ELOVL7: variants seen among roughly 807,000 people sequenced by gnomAD.
ELOVL7 encodes the protein ELOVL fatty acid elongase 7, also known as very long chain fatty acid elongase 7.
Under a neutral mutation model 35.7 loss-of-function variants are expected in ELOVL7, and 27 were observed. The observed-to-expected ratio is 0.76, with a 90% confidence interval of 0.56 to 1.04. ELOVL7 has a LOEUF of 1.04. Among genes scored for constraint, ELOVL7 ranks in the 50% least tolerant of loss-of-function variants. The pLI is 0.00. For missense variants in ELOVL7, 327 were observed against 340.8 expected (o/e 0.96, Z 0.32); for synonymous variants, 113 against 114.6 (o/e 0.99, Z 0.09).
intron 1 of ELOVL7, among the ~76,000 whole-genome samples, chr5:60,819,104 A>G (rs377610816): frequency 9.3e-3 from 27 of 2,904 alleles, no homozygotes; most frequent in African/African-American, 0.023. Flanking sequence ...GGGAGGGGAG[A>G]GGAGAGGAGA....
At chr5:60,758,475 T>G (rs1741682480) in intron 7 of ELOVL7, among the ~76,000 whole-genome samples, 1 of 152,216 alleles carries the variant, frequency 6.6e-6, no homozygotes, top group African/African-American at 2.4e-5. Context: ...ACTAGCAAAC[T>G]GCTGAATTTA....
intron 2 of ELOVL7, among the ~76,000 whole-genome samples, chr5:60,788,964 A>G (rs1366829078): frequency 1.3e-5 from 2 of 152,206 alleles, no homozygotes; most frequent in Non-Finnish European, 1.5e-5. Context: ...ATTAATCACT[A>G]AATGGTGTGG....
At chr5:60,810,099 G>A (rs1745160413) in intron 1 of ELOVL7, among the ~76,000 whole-genome samples, 1 of 152,160 alleles carries the variant, frequency 6.6e-6, no homozygotes, top group African/African-American at 2.4e-5. Flanking sequence ...TGCCTGCTTT[G>A]CATTTGTGGC....
chr5:60,810,694 T>C (rs1745191943), intron 1 of ELOVL7, among the ~76,000 whole-genome samples: 1 of 152,210 alleles, frequency 6.6e-6, no homozygotes, highest in South Asian at 2.1e-4. Flanking sequence ...TTATTAATAT[T>C]TTGGTTCTAA....
At chr5:60,792,675 C>T (rs558075982) in intron 2 of ELOVL7, among the ~76,000 whole-genome samples, 50 of 152,140 alleles carry the variant, frequency 3.3e-4, no homozygotes, top group Non-Finnish European at 5.1e-4. Flanking sequence ...CAGCAAGACC[C>T]CATCTCTAAA....
intron 1 of ELOVL7, among the ~76,000 whole-genome samples, chr5:60,842,748 G>A (rs1344997812): frequency 6.6e-6 from 1 of 152,112 alleles, no homozygotes; most frequent in Non-Finnish European, 1.5e-5. Context: ...GTGTGGCCTT[G>A]GGCAAGTTAC....
At chr5:60,832,119 C>T (rs1381820115) in intron 1 of ELOVL7, among the ~76,000 whole-genome samples, 1 of 152,168 alleles carries the variant, frequency 6.6e-6, no homozygotes, top group Non-Finnish European at 1.5e-5. Context: ...TAGTCAGAAT[C>T]TTTGTATTCC....
chr5:60,799,775 T>C (rs1448075390), intron 1 of ELOVL7, among the ~76,000 whole-genome samples: 1 of 152,202 alleles, frequency 6.6e-6, no homozygotes, highest in Non-Finnish European at 1.5e-5. Context: ...TGGTGGCTCA[T>C]GCCTGTAATC....
intron 1 of ELOVL7, among the ~76,000 whole-genome samples, chr5:60,806,604 T>C (rs987789298): frequency 2.0e-5 from 3 of 151,292 alleles, no homozygotes; most frequent in African/African-American, 7.3e-5. Context: ...GAAAAAGAAA[T>C]GATGAAAAAA....
Position 60,790,114 on chromosome 5 carries a change from G to A in ELOVL7, c.-34-2683C>T, listed in dbSNP as rs1743840980. ...ATTGCGCCATTGCACTCCAGCCTGG[G>A]CAACAAGAGCGAGACACTACCTCAA... On this transcript the variant is annotated intron_variant, in intron 2 of 8. Transcript: ENST00000508821. Among the ~76,000 whole-genome samples the A allele has an allele frequency of 2.0e-5, 3 of 151,824 alleles. No individual in the cohort carries two copies. In the South Asian group the frequency reaches 6.2e-4, roughly 32 times the overall value.
chr5:60,757,629 G>A lies in ELOVL7; in HGVS notation c.516C>T (p.Phe172=), dbSNP rs758928464. The A allele has an allele frequency of 1.3e-6, 2 of 1,579,614 alleles. No individual in the cohort carries two copies. Among genetic ancestry groups the A allele is most frequent in the Non-Finnish European group, 1.7e-6 (2 of 1,158,034 alleles). ...GTACAGCTGTATTTAGAAGGGCATG[G>A]AATGTTCCCAAACCACCTGGAAAAT... ...VKFAAGGLGT[F]HALLNTAVHV... is the part of the protein sequence containing the mutation. Residue 172 remains phenylalanine (F), a synonymous_variant, in exon 8 of 9, where the codon TTC becomes TTT. Transcript: ENST00000508821.
At chr5:60,837,699 T>C (rs1474687535) in intron 1 of ELOVL7, among the ~76,000 whole-genome samples, 6 of 152,036 alleles carry the variant, frequency 3.9e-5, no homozygotes, top group Non-Finnish European at 7.4e-5. Context: ...CCCAGCACTT[T>C]AGGAGGCCAA....
At chr5:60,830,637 A>G (rs556981782) in intron 1 of ELOVL7, among the ~76,000 whole-genome samples, 1 of 140,330 alleles carries the variant, frequency 7.1e-6, no homozygotes, top group East Asian at 2.0e-4. Flanking sequence ...TAGTATGACT[A>G]TTCATTTTTC....
At chr5:60,829,569 T>C (rs1030673845) in intron 1 of ELOVL7, among the ~76,000 whole-genome samples, 2 of 152,322 alleles carry the variant, frequency 1.3e-5, no homozygotes, top group African/African-American at 4.8e-5. Flanking sequence ...CAGTTGTCTA[T>C]AAATCTACCT....
In ELOVL7 at chr5:60,769,518, G is replaced by C. The variant is rs189047050; in HGVS notation, c.256-1615C>G. The stretch of plus-strand genomic sequence containing the variant: ...GGCATCTGAGTTTCTTGAGTCTGAT[G>C]TCCTTCCCTTTCAACTTCTTCAGAT... On this transcript the variant is annotated intron_variant, in intron 4 of 8. Coordinates refer to ENST00000508821, the MANE Select transcript of ELOVL7 (RefSeq NM_024930.3). Among the ~76,000 whole-genome samples the C allele has an allele frequency of 8.3e-4, 127 of 152,306 alleles. 1 individual carries two copies. Among genetic ancestry groups the C allele is most frequent in the Admixed American group, 3.1e-3 (47 of 15,304 alleles).
Position 60,771,817 on chromosome 5 carries a change from T to G in ELOVL7, c.255+86A>C, listed in dbSNP as rs576499673. On this transcript the variant is annotated intron_variant, in intron 4 of 8. Coordinates refer to ENST00000508821, the MANE Select transcript of ELOVL7 (RefSeq NM_024930.3). ...TTTCTTAATTCCTTAAATTGCAAAG[T>G]TTACCCTTATAACAGAAAACATAAT... 105 of 1,034,854 alleles carry G rather than the reference T, an allele frequency of 1.0e-4. No homozygotes were observed. The African/African-American group carries it at 1.6e-3, about 16-fold the overall frequency. The allele number at this position is 1,034,854 out of a possible 1,614,324, so 64.1% of individuals were successfully genotyped here.
At chr5:60,764,434 T>C (rs1185969802) in intron 6 of ELOVL7, 102 bp from the exon 7 acceptor site, 6 of 903,808 alleles carry the variant, frequency 6.6e-6, no homozygotes, top group Admixed American at 2.3e-5. Context: ...CATATCATAA[T>C]TTCCTCTAAA....
intron 1 of ELOVL7, among the ~76,000 whole-genome samples, chr5:60,813,446 T>A (rs1312411643): frequency 6.6e-6 from 1 of 152,126 alleles, no homozygotes; most frequent in Admixed American, 6.5e-5. Context: ...TTCATCACCT[T>A]TTCCCCTTTC....
chr5:60,763,033 G>A (rs1414587194), intron 7 of ELOVL7, among the ~76,000 whole-genome samples: 1 of 152,138 alleles, frequency 6.6e-6, no homozygotes, highest in Admixed American at 6.5e-5. Flanking sequence ...GATTAATACA[G>A]TTACTGTTGA....
Sources: allele counts gnomAD v4.1 joint callset (sites outside exome capture counted in the v4.1 genomes callset), GRCh38; gene constraint gnomAD v4.1.1; transcripts MANE v1.5; gene names NCBI Gene and HGNC (gene_info 2026-07-23, HGNC 2026-07-21).